The following TRIM24 variants were observed in gnomAD, a reference collection of about 807,000 sequenced individuals.
TRIM24 encodes the protein transcription intermediary factor 1-alpha.
In TRIM24, 29 loss-of-function variants were observed where a neutral mutation model predicts 123.9. The observed-to-expected ratio is 0.23, with a 90% CI of 0.17 to 0.32. The LOEUF (loss-of-function observed/expected upper bound fraction) is 0.32, where lower values mean the gene tolerates loss of function less well. Ranked by LOEUF, TRIM24 falls within the 10% of genes least tolerant of loss-of-function variation. The pLI is 1.00. For missense variants in TRIM24, 932 were observed against 1,295.3 expected (o/e 0.72, Z 4.31); for synonymous variants, 456 against 461.1 (o/e 0.99, Z 0.14).
chr7:138,519,794 C>A (rs150840984), intron 4 of TRIM24, among the ~76,000 whole-genome samples: 8 of 152,028 alleles, frequency 5.3e-5, no homozygotes, highest in African/African-American at 1.9e-4. Flanking sequence ...AGCCCTGGGT[C>A]TGTATACTTC....
At chr7:138,538,202 A>ACT (rs760645081) in intron 6 of TRIM24, among the ~76,000 whole-genome samples, 2 of 152,178 alleles carry the variant, frequency 1.3e-5, no homozygotes, top group Non-Finnish European at 2.9e-5. Context: ...ACACAGCATG[A>ACT]CTCTGTTTTG....
At chr7:138,570,247 C>T (rs763750570) in intron 10 of TRIM24, among the ~76,000 whole-genome samples, 98 of 152,068 alleles carry the variant, frequency 6.4e-4, no homozygotes, top group Non-Finnish European at 1.1e-3. Flanking sequence ...ATGCCCAGCC[C>T]ATCATGTTTT....
intron 2 of TRIM24, among the ~76,000 whole-genome samples, chr7:138,505,125 A>G (rs928945176): frequency 2.0e-5 from 3 of 152,236 alleles, no homozygotes; most frequent in African/African-American, 7.2e-5. Flanking sequence ...AAAGGAGCCA[A>G]ACATTAGTTA....
chr7:138,482,471 T>C (rs928481196), intron 1 of TRIM24, among the ~76,000 whole-genome samples: 1 of 152,232 alleles, frequency 6.6e-6, no homozygotes, highest in Non-Finnish European at 1.5e-5. Flanking sequence ...TCTTAATTTT[T>C]TTCCTTTAAG....
intron 11 of TRIM24, among the ~76,000 whole-genome samples, chr7:138,572,246 C>A (rs891725823): frequency 6.6e-6 from 1 of 152,116 alleles, no homozygotes; most frequent in Non-Finnish European, 1.5e-5. Flanking sequence ...GGAAAACTTA[C>A]ATCTAATCCC....
At chr7:138,515,642 T>C (rs1184866648) in intron 3 of TRIM24, among the ~76,000 whole-genome samples, 3 of 152,214 alleles carry the variant, frequency 2.0e-5, no homozygotes, top group Non-Finnish European at 4.4e-5. Context: ...CTTTTTCTTA[T>C]TTTTCTTTTA....
At chr7:138,500,220 T>C (rs1796006472) in intron 1 of TRIM24, among the ~76,000 whole-genome samples, 1 of 152,142 alleles carries the variant, frequency 6.6e-6, no homozygotes, top group African/African-American at 2.4e-5. Context: ...ACAAATCATA[T>C]TCACATCTCA....
intron 2 of TRIM24, 101 bp downstream of exon 2, chr7:138,504,509 G>A (rs1463529648): frequency 8.5e-6 from 6 of 709,398 alleles, no homozygotes; most frequent in African/African-American, 3.9e-5. Context: ...GCCCAGGCAG[G>A]AGTTCACAAG....
intron 8 of TRIM24, among the ~76,000 whole-genome samples, chr7:138,552,736 A>G (rs1005120703): frequency 6.6e-6 from 1 of 152,238 alleles, no homozygotes; most frequent in African/African-American, 2.4e-5. Flanking sequence ...CCGGAAGCAA[A>G]GGTGATAAGG....
chr7:138,496,109 C>G (rs1268866091), intron 1 of TRIM24, among the ~76,000 whole-genome samples: 2 of 152,124 alleles, frequency 1.3e-5, no homozygotes, highest in African/African-American at 4.8e-5. Context: ...ATTTTAGGAT[C>G]AGTTTGTTAG....
chr7:138,584,606 CAGAG>C, intron 18 of TRIM24, 132 bp from the exon 19 acceptor site: 1 of 671,924 alleles, frequency 1.5e-6, no homozygotes, highest in Non-Finnish European at 2.4e-6. Flanking sequence ...GCCTTCTGTA[CAGAG>C]ACTTTGTCTA....
chr7:138,519,172 T>G lies in TRIM24; in HGVS notation c.632-17T>G. The stretch of plus-strand genomic sequence containing the variant: ...TTATGTTAATTTTCTTCTCTTTGTC[T>G]CCCATTGTTTCTGCAGAGGCAGTTG... On this transcript the variant is annotated splice_polypyrimidine_tract_variant and intron_variant, in intron 3 of 18. Transcript: ENST00000343526. 6.2e-7 allele frequency: 1 copy of G among 1,613,950 alleles called. No homozygotes were observed. The highest frequency in any genetic ancestry group is 1.1e-5 in the South Asian group (1 of 91,062).
intron 17 of TRIM24, among the ~76,000 whole-genome samples, chr7:138,583,353 C>T (rs1797943015): frequency 6.6e-6 from 1 of 152,202 alleles, no homozygotes; most frequent in Non-Finnish European, 1.5e-5. Context: ...GGTGCAGTGG[C>T]TCACGCCTGT....
intron 1 of TRIM24, among the ~76,000 whole-genome samples, chr7:138,467,946 CA>C (rs1795184333): frequency 6.6e-6 from 1 of 151,672 alleles, no homozygotes; most frequent in Non-Finnish European, 1.5e-5. Flanking sequence ...ATGTAGTCTA[CA>C]GGGAGATAGC....
In TRIM24 at chr7:138,577,425, G is replaced by A. The variant is rs774970172; in HGVS notation, c.2093G>A (p.Gly698Asp). The change falls in exon 14 of 19, where the codon GGC (glycine) becomes GAC (aspartate). Residue 698 changes from glycine (G) to aspartate (D), a missense_variant. Transcript: ENST00000343526. ...ASSVGSRGSS[G>D]SSSKPAGADS... ...CTTCTCTCTCATACTTACAGCTCTG[G>A]CTCTTCCAGCAAACCAGCAGGAGCT... The A allele has an allele frequency of 1.9e-6, 3 of 1,565,036 alleles. No individual in the cohort carries two copies. The highest frequency in any genetic ancestry group is 8.6e-7 in the Non-Finnish European group (1 of 1,158,386).
chr7:138,519,653 G>A (rs925121378), intron 4 of TRIM24, among the ~76,000 whole-genome samples: 12 of 152,176 alleles, frequency 7.9e-5, no homozygotes, highest in African/African-American at 2.9e-4. Context: ...AAATCATCCT[G>A]AGTTGAGAAC....
chr7:138,501,873 G>A (rs1186958560), intron 1 of TRIM24, among the ~76,000 whole-genome samples: 1 of 148,374 alleles, frequency 6.7e-6, no homozygotes, highest in Non-Finnish European at 1.5e-5. Flanking sequence ...GGGAGACAGG[G>A]CAAGACTCCG....
Position 138,502,084 on chromosome 7 carries a change from A to C in TRIM24, c.365-2206A>C, listed in dbSNP as rs1271012738. On this transcript the variant is annotated intron_variant, in intron 1 of 18. Transcript: ENST00000343526. ...TTTCAATTTGTTCCTTATTAGGTAG[A>C]GGTATATCCATGACTCAGAATTTAT... Among the ~76,000 whole-genome samples, 3 of 152,184 alleles carry C rather than the reference A, an allele frequency of 2.0e-5. No homozygotes were observed. In the South Asian group the frequency reaches 6.2e-4, roughly 31 times the overall value.
chr7:138,538,250 C>A (rs1433170377), intron 6 of TRIM24, among the ~76,000 whole-genome samples: 1 of 152,090 alleles, frequency 6.6e-6, no homozygotes, highest in Non-Finnish European at 1.5e-5. Context: ...AAATAGAATC[C>A]CTAAAAGGTG....
Sources: allele counts gnomAD v4.1 joint callset (sites outside exome capture counted in the v4.1 genomes callset), GRCh38; gene constraint gnomAD v4.1.1; transcripts MANE v1.5; gene names NCBI Gene and HGNC (gene_info 2026-07-23, HGNC 2026-07-21).